TNFRSF8: variants seen among roughly 807,000 people sequenced by gnomAD.
TNFRSF8 encodes the protein tumor necrosis factor receptor superfamily member 8.
TNFRSF8 carries 26 observed loss-of-function variants against 70.8 expected under a neutral mutation model. The ratio of observed to expected loss-of-function variants is 0.37; its 90% CI spans 0.27 to 0.51. The LOEUF is 0.51. TNFRSF8 is among the 20% of genes least tolerant of loss of function. TNFRSF8 has a pLI of 0.94. For synonymous variants in TNFRSF8, 356 were observed against 339.2 expected (o/e 1.05, Z -0.54); for missense variants, 720 against 807.9 (o/e 0.89, Z 1.32).
At chr1:12,118,196 T>C (rs775904115) in intron 8 of TNFRSF8, among the ~76,000 whole-genome samples, 10 of 146,930 alleles carry the variant, frequency 6.8e-5, no homozygotes, top group Non-Finnish European at 1.5e-4. Flanking sequence ...CGGCAACCTC[T>C]GCCTCCTGGG....
intron 12 of TNFRSF8, among the ~76,000 whole-genome samples, chr1:12,129,987 C>T (rs1642018644): frequency 6.6e-6 from 1 of 151,122 alleles, no homozygotes; most frequent in Admixed American, 6.6e-5. Context: ...TTACTGCAAC[C>T]CCCGCCTCCT....
At chr1:12,089,146 C>T (rs144293890) in intron 2 of TNFRSF8, among the ~76,000 whole-genome samples, 2,439 of 152,286 alleles carry the variant, frequency 0.016, 198 homozygotes, top group Admixed American at 0.14. Context: ...GGATGGCCCT[C>T]CCTGACCCCA....
intron 12 of TNFRSF8, among the ~76,000 whole-genome samples, chr1:12,126,503 G>A (rs561526245): frequency 6.6e-5 from 10 of 152,300 alleles, no homozygotes; most frequent in South Asian, 4.1e-4. Context: ...TGGCATGAAC[G>A]TTTAAAAGTC....
At chr1:12,131,353 G>A (rs182824605) in intron 12 of TNFRSF8, among the ~76,000 whole-genome samples, 342 of 152,248 alleles carry the variant, frequency 2.2e-3, no homozygotes, top group Non-Finnish European at 3.1e-3. Context: ...GGGAGGCTGA[G>A]GCAGGAGAAT....
At chr1:12,123,230 T>G in intron 8 of TNFRSF8, 54 bp from the exon 9 acceptor site, 1 of 1,510,906 alleles carries the variant, frequency 6.6e-7, no homozygotes, top group Non-Finnish European at 9.1e-7. Flanking sequence ...AACTCTTTCC[T>G]GGAGACACCA....
Position 12,138,496 on chromosome 1 carries a change from G to T in TNFRSF8, c.1543+60G>T. 6.6e-7 allele frequency: 1 copy of T among 1,503,808 alleles called. No individual in the cohort carries two copies. Among genetic ancestry groups the T allele is most frequent in the Non-Finnish European group, 9.0e-7 (1 of 1,110,852 alleles). 93.2% of individuals were successfully genotyped at this position (1,503,808 alleles called of 1,614,324 possible). A position where few individuals can be genotyped will look rare whatever the true frequency, so the allele number is the denominator to read the frequency against. On this transcript the variant is annotated intron_variant, in intron 14 of 14. Transcript: ENST00000263932. The surrounding 1 kb of genome is among the most constrained non-coding windows in gnomAD (Gnocchi z 5.7). ...CCAGGGGCAGATGGGAGATGAATAC[G>T]GGGCCCTGGGCCCTGGAAGGGACCT...
intron 1 of TNFRSF8, among the ~76,000 whole-genome samples, chr1:12,077,626 T>G (rs1230740421): frequency 6.6e-6 from 1 of 151,966 alleles, no homozygotes. Context: ...ATGACCTGGA[T>G]GGGGGTGATC....
At chr1:12,114,404 C>T (rs557795625) in intron 7 of TNFRSF8, among the ~76,000 whole-genome samples, 2 of 152,286 alleles carry the variant, frequency 1.3e-5, no homozygotes, top group South Asian at 4.1e-4. Context: ...AGCTCACACA[C>T]ACCCTTTGCA....
chr1:12,123,590 C>A, intron 9 of TNFRSF8, 125 bp from the exon 10 acceptor site: 1 of 985,852 alleles, frequency 1.0e-6, no homozygotes, highest in Non-Finnish European at 1.5e-6. Flanking sequence ...CTGGCAGAGA[C>A]TCGGGGCAGA....
rs758987387 is a variant in TNFRSF8, at chr1:12,135,572, C to T, written c.1310-16C>T. On this transcript the variant is annotated splice_polypyrimidine_tract_variant and intron_variant, in intron 12 of 14. Transcript: ENST00000263932. Reference sequence around the variant, plus strand: ...GCCAGACTCCTTGGTGAAGTTGCTGCTCTTGCTTTTTGCAGATTCCAGACC... The same window carrying T: ...GCCAGACTCCTTGGTGAAGTTGCTGTTCTTGCTTTTTGCAGATTCCAGACC... The T allele has an allele frequency of 6.2e-6, 10 of 1,614,064 alleles. No homozygotes were observed. The highest frequency in any genetic ancestry group is 1.7e-4 in the Middle Eastern group (1 of 6,016).
intron 12 of TNFRSF8, among the ~76,000 whole-genome samples, chr1:12,126,476 A>G (rs1641943079): frequency 6.6e-6 from 1 of 152,206 alleles, no homozygotes; most frequent in African/African-American, 2.4e-5. Flanking sequence ...TGCCCAGAGC[A>G]GCACCTGGAT....
intron 12 of TNFRSF8, among the ~76,000 whole-genome samples, chr1:12,133,469 C>T (rs908286941): frequency 3.3e-5 from 5 of 151,988 alleles, no homozygotes; most frequent in Non-Finnish European, 7.4e-5. Flanking sequence ...CGGCCGGGTG[C>T]CGTGGCTCAC....
intron 9 of TNFRSF8, 99 bp downstream of exon 9, chr1:12,123,476 A>G: frequency 8.3e-7 from 1 of 1,201,476 alleles, no homozygotes; most frequent in Non-Finnish European, 1.2e-6. Context: ...CTGGGGGTGG[A>G]GGTGGGGCCT....
intron 2 of TNFRSF8, among the ~76,000 whole-genome samples, chr1:12,091,754 T>TA (rs1641251493): frequency 6.6e-6 from 1 of 152,134 alleles, no homozygotes; most frequent in African/African-American, 2.4e-5. Context: ...GTCCCCAACC[T>TA]TTTTGGCACC....
At chr1:12,094,824 C>T (rs1431087392) in intron 2 of TNFRSF8, among the ~76,000 whole-genome samples, 1 of 151,928 alleles carries the variant, frequency 6.6e-6, no homozygotes, top group Non-Finnish European at 1.5e-5. Context: ...CGGGGTTTCA[C>T]CATGTTGGCC....
At chr1:12,114,691 AATCTT>A (rs1641694610) in intron 7 of TNFRSF8, among the ~76,000 whole-genome samples, 1 of 133,244 alleles carries the variant, frequency 7.5e-6, no homozygotes, top group Admixed American at 8.9e-5. Context: ...GAGGAAAAAA[AATCTT>A]TTTTTTTTTT....
At position 12,097,182 on chromosome 1, in the gene TNFRSF8, C is replaced by T; in HGVS notation, c.233C>T (p.Ala78Val). The change falls in exon 3 of 15, where the codon GCC (alanine) becomes GTC (valine). Residue 78 changes from alanine to valine, a missense_variant. By Grantham distance (64) the Ala-to-Val change is moderately conservative (BLOSUM62 0). Coordinates refer to ENST00000263932, the MANE Select transcript of TNFRSF8 (RefSeq NM_001243.5). ...QCEPDYYLDE[A>V]DRCTACVTCS... ...GAGCCTGACTACTACCTGGATGAGGCCGACCGCTGTACAGCCTGCGTGACT... is the reference window on the plus strand; with the variant it reads ...GAGCCTGACTACTACCTGGATGAGGTCGACCGCTGTACAGCCTGCGTGACT... The T allele has an allele frequency of 6.2e-7, 1 of 1,614,010 alleles. No individual in the cohort carries two copies. Among genetic ancestry groups the T allele is most frequent in the Non-Finnish European group, 8.5e-7 (1 of 1,179,948 alleles).
In TNFRSF8 at chr1:12,122,473, C is replaced by T. The variant is rs903556473; in HGVS notation, c.947-811C>T. 2.0e-5 allele frequency among the ~76,000 whole-genome samples: 3 copies of T among 151,694 alleles called. No individual in the cohort carries two copies. The South Asian group carries it at 6.2e-4, about 32-fold the overall frequency. On this transcript the variant is annotated intron_variant, in intron 8 of 14. Coordinates refer to ENST00000263932, the MANE Select transcript of TNFRSF8 (RefSeq NM_001243.5). The stretch of plus-strand genomic sequence containing the variant: ...ACCAGCCTGGTCAACATGGTGAAAC[C>T]CTGTTTCTACTAAAAATACAAAAAT...
intron 3 of TNFRSF8, among the ~76,000 whole-genome samples, chr1:12,098,839 G>A (rs1464900740): frequency 2.0e-5 from 3 of 152,160 alleles, no homozygotes; most frequent in East Asian, 1.9e-4. Flanking sequence ...GAAGAACAAA[G>A]TAATTATTTT....
Sources: allele counts gnomAD v4.1 joint callset (sites outside exome capture counted in the v4.1 genomes callset), GRCh38; gene constraint gnomAD v4.1.1; non-coding constraint Gnocchi (gnomAD v3.1); transcripts MANE v1.5; gene names NCBI Gene and HGNC (gene_info 2026-07-23, HGNC 2026-07-21).